The following FYB1 variants were observed in gnomAD, a reference collection of about 807,000 sequenced individuals.
The protein encoded by FYB1 is FYN binding protein 1.
FYB1 carries 41 observed loss-of-function variants against 94.1 expected under a neutral mutation model. The observed-to-expected ratio is 0.44, with a 90% confidence interval of 0.34 to 0.57. The LOEUF is 0.57. Ranked by LOEUF, FYB1 falls within the 20% of genes least tolerant of loss-of-function variation. FYB1 has a pLI of 0.02. For missense variants in FYB1, 1,050 were observed against 976.8 expected, an observed-to-expected ratio of 1.07 and a Z score of -1.00; for synonymous variants, 367 against 353.2, an observed-to-expected ratio of 1.04 and a Z score of -0.44.
chr5:39,118,813 T>C, intron 16 of FYB1, 61 bp downstream of exon 16: 2 of 1,095,146 alleles, frequency 1.8e-6, no homozygotes, highest in Non-Finnish European at 2.5e-6. Context: ...AAAACTTGTT[T>C]GGTTGTTAAA....
rs534981641 is a variant in FYB1, at chr5:39,230,342, G to A, written c.-27-27355C>T. ...AAGCTGAAATAAGGCCATGAGCCGA[G>A]GAATGCAGGCAGCCTTTGGAAGCTG... On this transcript the variant is annotated intron_variant, in intron 1 of 1. Transcript: ENST00000510188. Among the ~76,000 whole-genome samples, 14 of 152,228 alleles carry A rather than the reference G, an allele frequency of 9.2e-5. No individual in the cohort carries two copies. The South Asian group carries it at 2.7e-3, about 29-fold the overall frequency.
intron 1 of FYB1, among the ~76,000 whole-genome samples, chr5:39,261,812 G>A (rs577118438): frequency 5.0e-4 from 76 of 152,294 alleles, no homozygotes; most frequent in African/African-American, 1.8e-3. Flanking sequence ...ATATTGATCA[G>A]TGTAACAGAG....
chr5:39,179,548 C>CA (rs1554033544), intron 2 of FYB1, among the ~76,000 whole-genome samples: 1 of 139,622 alleles, frequency 7.2e-6, no homozygotes, highest in Admixed American at 7.3e-5. Flanking sequence ...CTTCTTTTTT[C>CA]TTTTTTTTTT....
intron 2 of FYB1, chr5:39,169,189 T>C (rs756844797): frequency 1.2e-6 from 1 of 818,754 alleles, no homozygotes; most frequent in Non-Finnish European, 2.1e-6. Flanking sequence ...AACTAATCAT[T>C]GCAACATCTG....
chr5:39,114,978 G>A (rs1324572762), intron 16 of FYB1, among the ~76,000 whole-genome samples: 1 of 152,124 alleles, frequency 6.6e-6, no homozygotes, highest in South Asian at 2.1e-4. Context: ...AATTGTGATG[G>A]TGTGGCTAGG....
chr5:39,124,549 C>A (rs1740445142), intron 12 of FYB1, among the ~76,000 whole-genome samples: 1 of 152,110 alleles, frequency 6.6e-6, no homozygotes, highest in Non-Finnish European at 1.5e-5. Flanking sequence ...CCCATAGCCA[C>A]TGGATCAAAA....
chr5:39,274,224 G>A (rs992881029), intron 1 of FYB1, among the ~76,000 whole-genome samples: 6 of 152,110 alleles, frequency 3.9e-5, no homozygotes, highest in African/African-American at 1.4e-4. Context: ...AAAGAAGCAT[G>A]GTTAAAACTG....
chr5:39,200,329 T>C (rs1234675568), intron 2 of FYB1, among the ~76,000 whole-genome samples: 4 of 152,162 alleles, frequency 2.6e-5, no homozygotes, highest in Non-Finnish European at 5.9e-5. Context: ...GCAACATGTG[T>C]TACCACCATG....
intron 2 of FYB1, among the ~76,000 whole-genome samples, chr5:39,185,968 A>G (rs1486286125): frequency 1.3e-5 from 2 of 152,100 alleles, no homozygotes; most frequent in Non-Finnish European, 2.9e-5. Context: ...AGCTGAGCAG[A>G]GTCCCGCTGG....
intron 1 of FYB1, among the ~76,000 whole-genome samples, chr5:39,272,851 T>G (rs1231643144): frequency 6.6e-6 from 1 of 152,258 alleles, no homozygotes; most frequent in Non-Finnish European, 1.5e-5. Flanking sequence ...TTCATCCATC[T>G]AAATTCCATT....
intron 1 of FYB1, among the ~76,000 whole-genome samples, chr5:39,255,114 C>T (rs943261331): frequency 6.6e-6 from 1 of 152,004 alleles, no homozygotes; most frequent in Non-Finnish European, 1.5e-5. Flanking sequence ...CTCATTTTTA[C>T]AAGAGGAGAA....
chr5:39,193,516 G>A (rs1349239729), intron 2 of FYB1, among the ~76,000 whole-genome samples: 2 of 152,184 alleles, frequency 1.3e-5, no homozygotes, highest in Non-Finnish European at 2.9e-5. Context: ...AGAAGGTTCT[G>A]GTGCCACCGG....
At chr5:39,203,441 G>A (rs1748559246) in intron 1 of FYB1, among the ~76,000 whole-genome samples, 1 of 152,062 alleles carries the variant, frequency 6.6e-6, no homozygotes, top group African/African-American at 2.4e-5. Flanking sequence ...TTGAGGCTGT[G>A]TGCTTCATAC....
chr5:39,230,975 A>C (rs1750707591), intron 1 of FYB1, among the ~76,000 whole-genome samples: 1 of 151,972 alleles, frequency 6.6e-6, no homozygotes. Context: ...AATCTTGTGC[A>C]AATATCTTTC....
chr5:39,264,069 C>T (rs1752328763), intron 1 of FYB1, among the ~76,000 whole-genome samples: 2 of 152,188 alleles, frequency 1.3e-5, no homozygotes. Flanking sequence ...AGAGCCCTCA[C>T]TCTGTGCCTT....
Position 39,118,855 on chromosome 5 carries a change from A to G in FYB1, c.2401+19T>C, listed in dbSNP as rs1561130281. The G allele has an allele frequency of 7.1e-7, 1 of 1,415,666 alleles. No individual in the cohort carries two copies. Among genetic ancestry groups the G allele is most frequent in the Non-Finnish European group, 9.4e-7 (1 of 1,063,828 alleles). 87.7% of individuals were successfully genotyped at this position (1,415,666 alleles called of 1,614,324 possible). ...AGTGACATATATATGCACATATTAT[A>G]GTATAAGCAGTGACTTACATTTCCC... is the stretch of plus-strand genomic sequence containing the variant. On this transcript the variant is annotated intron_variant, in intron 16 of 18. Coordinates refer to ENST00000512982, the MANE Select transcript of FYB1 (RefSeq NM_001465.6).
At position 39,118,351 on chromosome 5, in the gene FYB1, G is replaced by A. The variant is rs544265887; in HGVS notation, c.2401+523C>T. Among the ~76,000 whole-genome samples the A allele has an allele frequency of 3.9e-5, 6 of 152,268 alleles. No homozygotes were observed. The South Asian group carries it at 1.2e-3, about 32-fold the overall frequency. ...GGTAAGAAAACTGGAAATTCTAGGT[G>A]TGAAATATCCAGAATTCTACACAAT... On this transcript the variant is annotated intron_variant, in intron 16 of 18. Transcript: ENST00000512982.
intron 1 of FYB1, among the ~76,000 whole-genome samples, chr5:39,232,362 C>G (rs1750780563): frequency 6.6e-6 from 1 of 152,052 alleles, no homozygotes; most frequent in Non-Finnish European, 1.5e-5. Context: ...CAGGGCTGCT[C>G]TGGGCACCAC....
Position 39,107,415 on chromosome 5 carries a change from A to G in FYB1, c.*28T>C, listed in dbSNP as rs1309083342. On this transcript the variant is annotated 3_prime_UTR_variant, in exon 19 of 19. Transcript: ENST00000512982. ...CCAGACTTCACATTGGCACCTAATG[A>G]ACACAGCAGAATGACCAAAGTTGAG... The G allele has an allele frequency of 1.3e-6, 2 of 1,505,764 alleles. No individual in the cohort carries two copies. Among genetic ancestry groups the G allele is most frequent in the Admixed American group, 2.1e-5 (1 of 48,328 alleles). 93.3% of individuals were successfully genotyped at this position (1,505,764 alleles called of 1,614,324 possible).
Sources: gnomAD v4.1 joint callset for allele counts (sites outside exome capture counted in the v4.1 genomes callset) on GRCh38, gnomAD v4.1.1 for gene constraint, MANE v1.5 for transcripts, NCBI Gene and HGNC (gene_info 2026-07-23, HGNC 2026-07-21) for gene names.